Variants in PIK3C3 observed in about 807,000 individuals in gnomAD.
PIK3C3 encodes phosphatidylinositol 3-kinase catalytic subunit type 3, also known as PI3-kinase type 3.
A neutral mutation model predicts 126.1 loss-of-function variants in PIK3C3; 95 were observed. The ratio of observed to expected loss-of-function variants is 0.75; its 90% CI spans 0.64 to 0.89. The LOEUF is 0.89. Ranked by LOEUF, PIK3C3 falls within the 40% of genes least tolerant of loss-of-function variation. The probability of loss-of-function intolerance (pLI) is 0.00; values close to 1 mark genes in which losing one functional copy is unlikely to be tolerated. For missense variants in PIK3C3, 829 were observed against 1,063.2 expected (o/e 0.78, Z 3.06); for synonymous variants, 374 against 360.0 (o/e 1.04, Z -0.44).
At chr18:41,959,200 A>G (rs1979950309) in intron 2 of PIK3C3, among the ~76,000 whole-genome samples, 1 of 152,220 alleles carries the variant, frequency 6.6e-6, no homozygotes. Flanking sequence ...GGCCAAAAAC[A>G]TTTTGGTAAG....
chr18:42,079,946 AGTGTGT>A (rs6146278), intron 24 of PIK3C3, among the ~76,000 whole-genome samples: 43,641 of 136,926 alleles, frequency 0.32, 6,628 homozygotes, highest in South Asian at 0.41. Flanking sequence ...CCAACTTTTG[AGTGTGT>A]GTGTGTGTGT....
chr18:41,958,979 A>G (rs545015999), intron 2 of PIK3C3, among the ~76,000 whole-genome samples: 2 of 152,148 alleles, frequency 1.3e-5, no homozygotes, highest in Non-Finnish European at 2.9e-5. Context: ...TAACTACAGT[A>G]TCATCATCAT....
intron 4 of PIK3C3, among the ~76,000 whole-genome samples, chr18:41,980,298 T>C (rs192353354): frequency 0.014 from 2,059 of 152,304 alleles, 17 homozygotes; most frequent in Admixed American, 0.034. Context: ...CCTTTCTCCA[T>C]AGCTGAATCA....
chr18:41,957,152 G>C (rs1435637036), intron 1 of PIK3C3, among the ~76,000 whole-genome samples: 1 of 151,976 alleles, frequency 6.6e-6, no homozygotes, highest in Non-Finnish European at 1.5e-5. Flanking sequence ...TTTCTTCTGG[G>C]CTTCTTTGTC....
At chr18:42,042,128 C>T (rs1984350870) in intron 19 of PIK3C3, among the ~76,000 whole-genome samples, 2 of 152,152 alleles carry the variant, frequency 1.3e-5, no homozygotes, top group Admixed American at 1.3e-4. Flanking sequence ...TTTGTACTTG[C>T]TTGACAGAGG....
At position 42,037,832 on chromosome 18, in the gene PIK3C3, C is replaced by T. The variant is rs752122949; in HGVS notation, c.1968+12C>T. 39 of 1,594,500 alleles carry T rather than the reference C, an allele frequency of 2.4e-5. No homozygotes were observed. The South Asian group carries it at 4.3e-4, about 18-fold the overall frequency. On this transcript the variant is annotated intron_variant, in intron 17 of 24. Transcript: ENST00000262039. ...CACTCATGGACAAGGTGAACATGACCTTATGTTGGTGGGGAACATTTTTTT... is the reference window on the plus strand; with the variant it reads ...CACTCATGGACAAGGTGAACATGACTTTATGTTGGTGGGGAACATTTTTTT...
Position 42,049,618 on chromosome 18 carries a change from G to T in PIK3C3, c.2263+13G>T. Reference sequence around the variant, plus strand: ...CTAACAAAAACAGGTAACAATTAATGACTACCAGTAGACATACATTGTATA... The same window carrying T: ...CTAACAAAAACAGGTAACAATTAATTACTACCAGTAGACATACATTGTATA... On this transcript the variant is annotated intron_variant, in intron 21 of 24. Transcript: ENST00000262039. 2 of 1,575,444 alleles carry T rather than the reference G, an allele frequency of 1.3e-6. No individual in the cohort carries two copies. The highest frequency in any genetic ancestry group is 2.2e-5 in the South Asian group (2 of 90,214).
chr18:42,041,076 G>A (rs1177218001), intron 19 of PIK3C3, among the ~76,000 whole-genome samples: 1 of 152,008 alleles, frequency 6.6e-6, no homozygotes. Context: ...CAGCTACTTG[G>A]GAGGCTGAGC....
intron 24 of PIK3C3, among the ~76,000 whole-genome samples, chr18:42,080,406 G>A (rs936940799): frequency 6.6e-6 from 1 of 151,974 alleles, no homozygotes; most frequent in African/African-American, 2.4e-5. Flanking sequence ...AAGGTGTTTT[G>A]CCTTCACTTT....
intron 24 of PIK3C3, chr18:42,070,366 C>T (rs1985723158): frequency 6.6e-6 from 1 of 152,176 alleles, no homozygotes; most frequent in Admixed American, 6.5e-5. Context: ...GTTGAGCCTT[C>T]AAGTTCTGTA....
In PIK3C3 at chr18:42,016,926, G is replaced by A. The variant is rs1202591857; in HGVS notation, c.1416+1360G>A. Among the ~76,000 whole-genome samples the A allele has an allele frequency of 2.0e-5, 3 of 152,046 alleles. No homozygotes were observed. The East Asian group carries it at 5.8e-4, about 29-fold the overall frequency. On this transcript the variant is annotated intron_variant, in intron 12 of 24. Transcript: ENST00000262039. The stretch of plus-strand genomic sequence containing the variant: ...TTCTGAAAACGATGTTCAGAATATT[G>A]ATTTACACTCCCCCATCACTCAAAA...
Position 41,957,555 on chromosome 18 carries a change from G to A in PIK3C3, c.69-15G>A. 2 of 1,603,392 alleles carry A rather than the reference G, an allele frequency of 1.2e-6. No homozygotes were observed. The highest frequency in any genetic ancestry group is 4.5e-5 in the East Asian group (2 of 44,796). ...AAAATTCATGTCTGAAACATTGTTG[G>A]TCTTGTGCTTTCAGAGGAAGCTTGG... On this transcript the variant is annotated splice_polypyrimidine_tract_variant and intron_variant, in intron 1 of 24. Transcript: ENST00000262039.
rs778718111 is a variant in PIK3C3 at position 42,081,157 on chromosome 18, A to G, written c.*20A>G. 9.6e-6 allele frequency: 15 copies of G among 1,570,168 alleles called. No individual in the cohort carries two copies. In the East Asian group the frequency reaches 3.4e-4, roughly 35 times the overall value. The stretch of plus-strand genomic sequence containing the variant: ...AAATGAAACTGGGATTGACCCATCA[A>G]GATGCTTGGCTCAATAAGAAAACCA... On this transcript the variant is annotated 3_prime_UTR_variant, in exon 25 of 25. Transcript: ENST00000262039.
At chr18:41,992,946 A>T (rs764583765) in intron 6 of PIK3C3, among the ~76,000 whole-genome samples, 44 of 152,110 alleles carry the variant, frequency 2.9e-4, no homozygotes, top group Non-Finnish European at 5.6e-4. Context: ...GAAAATTAGC[A>T]CGTTTTTAAA....
At chr18:41,965,695 G>T (rs551509398) in intron 3 of PIK3C3, among the ~76,000 whole-genome samples, 1 of 152,056 alleles carries the variant, frequency 6.6e-6, no homozygotes, top group African/African-American at 2.4e-5. Flanking sequence ...TGACTTACAC[G>T]TGCATTCATG....
intron 21 of PIK3C3, among the ~76,000 whole-genome samples, chr18:42,053,918 G>C (rs1297565256): frequency 6.6e-6 from 1 of 151,478 alleles, no homozygotes; most frequent in Non-Finnish European, 1.5e-5. Context: ...TGAGTCCTAA[G>C]GATGGCCCTC....
At chr18:42,004,660 A>AT in intron 10 of PIK3C3, 119 bp downstream of exon 10, 1 of 759,466 alleles carries the variant, frequency 1.3e-6, no homozygotes, top group Non-Finnish European at 2.0e-6. Flanking sequence ...TGCAAGAGAG[A>AT]TTTTTAGAAG....
intron 16 of PIK3C3, 63 bp from the exon 17 acceptor site, chr18:42,037,609 ATATCAACATTTTCTTGTATG>A: frequency 8.1e-7 from 1 of 1,231,682 alleles, no homozygotes; most frequent in Non-Finnish European, 1.1e-6. Flanking sequence ...TTTATCTTAT[ATATCAACATTTTCTTGTATG>A]TATAGTACAA....
intron 13 of PIK3C3, among the ~76,000 whole-genome samples, chr18:42,024,224 G>C (rs750111118): frequency 6.6e-6 from 1 of 152,160 alleles, no homozygotes; most frequent in Non-Finnish European, 1.5e-5. Context: ...GGACAATTTT[G>C]TTTGCATTCC....
Sources: allele counts gnomAD v4.1 joint callset (sites outside exome capture counted in the v4.1 genomes callset), GRCh38; gene constraint gnomAD v4.1.1; transcripts MANE v1.5; gene names NCBI Gene and HGNC (gene_info 2026-07-23, HGNC 2026-07-21).